EML6: variants seen among roughly 807,000 people sequenced by gnomAD.
EML6 encodes echinoderm microtubule-associated protein-like 6.
Under a neutral mutation model 240.1 loss-of-function variants are expected in EML6, and 154 were observed. The observed-to-expected ratio is 0.64, with a 90% confidence interval of 0.56 to 0.73. The LOEUF (loss-of-function observed/expected upper bound fraction) is 0.73. Ranked by LOEUF, EML6 falls within the 30% of genes least tolerant of loss-of-function variation. The pLI is 0.00. For synonymous variants in EML6, 1,148 were observed against 899.0 expected (o/e 1.28, Z -4.95); for missense variants, 2,964 against 2,474.6 (o/e 1.20, Z -4.20).
chr2:54,800,266 G>A (rs1376080591), intron 2 of EML6, among the ~76,000 whole-genome samples: 2 of 152,104 alleles, frequency 1.3e-5, no homozygotes. Context: ...TGCTCTGGAG[G>A]AGTTGGATTG....
rs543509182 is a variant in EML6 at position 54,943,390 on chromosome 2, C to T, written c.4005-5492C>T. ...TCTCCCACAGCCAGATCCATGTCCT[C>T]AACCAAAAAATACATCCCAGTTTCC... On this transcript the variant is annotated intron_variant, in intron 28 of 41. Transcript: ENST00000356458. Among the ~76,000 whole-genome samples, 11 of 152,248 alleles carry T rather than the reference C, an allele frequency of 7.2e-5. No homozygotes were observed. In the South Asian group the frequency reaches 1.7e-3, roughly 23 times the overall value.
At chr2:54,952,412 A>T (rs985297689) in intron 30 of EML6, among the ~76,000 whole-genome samples, 182 bp from the exon 31 acceptor site, 4 of 152,176 alleles carry the variant, frequency 2.6e-5, no homozygotes, top group African/African-American at 2.4e-5. Context: ...CCAAAACAGA[A>T]TATGAACATT....
chr2:54,815,284 T>C (rs1186754610), intron 3 of EML6, among the ~76,000 whole-genome samples: 2 of 152,214 alleles, frequency 1.3e-5, no homozygotes, highest in Admixed American at 6.5e-5. Context: ...AAATAACCTC[T>C]TGTATGTTAG....
At chr2:54,876,985 ATTTTTT>A (rs34591538) in intron 16 of EML6, among the ~76,000 whole-genome samples, 1 of 145,946 alleles carries the variant, frequency 6.9e-6, no homozygotes, top group African/African-American at 2.5e-5. Context: ...CCAAAAAAAA[ATTTTTT>A]TTTTTTTTTG....
At chr2:54,915,247 G>C (rs1275141509) in intron 25 of EML6, among the ~76,000 whole-genome samples, 1 of 152,226 alleles carries the variant, frequency 6.6e-6, no homozygotes, top group Non-Finnish European at 1.5e-5. Context: ...CTGGCCAACA[G>C]TGTTGTGTTG....
chr2:54,820,365 A>T, intron 4 of EML6, 29 bp from the exon 5 acceptor site: 8 of 1,490,750 alleles, frequency 5.4e-6, no homozygotes, highest in Non-Finnish European at 7.3e-6. Flanking sequence ...CCAAATGATC[A>T]ACATGGCAAC....
intron 13 of EML6, among the ~76,000 whole-genome samples, chr2:54,866,338 G>A (rs1670969020): frequency 6.6e-6 from 1 of 152,192 alleles, no homozygotes; most frequent in South Asian, 2.1e-4. Context: ...GATCTGTTAA[G>A]ATGCATGAAG....
intron 7 of EML6, among the ~76,000 whole-genome samples, chr2:54,840,254 C>T (rs1245522247): frequency 6.6e-6 from 1 of 151,936 alleles, no homozygotes; most frequent in Non-Finnish European, 1.5e-5. Flanking sequence ...ACAGTGAAGC[C>T]ATGGATTCCA....
At chr2:54,780,565 A>C (rs1159698351) in intron 2 of EML6, among the ~76,000 whole-genome samples, 1 of 152,224 alleles carries the variant, frequency 6.6e-6, no homozygotes, top group African/African-American at 2.4e-5. Flanking sequence ...TGTGTCTATA[A>C]TATTGGAGAT....
chr2:54,882,674 G>A (rs1050572061), intron 17 of EML6: 1 of 151,460 alleles, frequency 6.6e-6, no homozygotes, highest in African/African-American at 2.4e-5. Context: ...CTGGCTAACA[G>A]GGTGAAACCC....
chr2:54,768,037 T>C (rs902126694), intron 2 of EML6, among the ~76,000 whole-genome samples: 3 of 152,194 alleles, frequency 2.0e-5, no homozygotes, highest in Non-Finnish European at 4.4e-5. Flanking sequence ...TCTAGGTAAG[T>C]TTCTTTCATT....
chr2:54,856,146 G>A (rs989036699), intron 11 of EML6, among the ~76,000 whole-genome samples: 4 of 152,176 alleles, frequency 2.6e-5, no homozygotes, highest in African/African-American at 7.2e-5. Context: ...TGTTTACGTA[G>A]CCAAACCAAT....
intron 28 of EML6, among the ~76,000 whole-genome samples, chr2:54,938,191 C>G (rs961463280): frequency 1.3e-5 from 2 of 152,140 alleles, no homozygotes; most frequent in African/African-American, 2.4e-5. Context: ...ACTAAAAATA[C>G]AAAAATTAGC....
At chr2:54,864,961 T>C (rs1573027499) in intron 13 of EML6, among the ~76,000 whole-genome samples, 1 of 152,362 alleles carries the variant, frequency 6.6e-6, no homozygotes, top group East Asian at 1.9e-4. Context: ...CACATTGTAT[T>C]ATGCAATATG....
chr2:54,949,043 C>A, intron 29 of EML6, 83 bp downstream of exon 29: 2 of 1,034,418 alleles, frequency 1.9e-6, no homozygotes, highest in Non-Finnish European at 2.9e-6. Flanking sequence ...GTCCCAAAGA[C>A]ACAGTCAAAT....
At chr2:54,860,429 C>T (rs1399875710) in intron 12 of EML6, among the ~76,000 whole-genome samples, 1 of 152,158 alleles carries the variant, frequency 6.6e-6, no homozygotes, top group Non-Finnish European at 1.5e-5. Context: ...GGGTTTATGA[C>T]ACATTTCCGG....
chr2:54,885,461 T>A (rs941661351), intron 17 of EML6, among the ~76,000 whole-genome samples: 25 of 147,958 alleles, frequency 1.7e-4, no homozygotes, highest in African/African-American at 4.7e-4. Context: ...AAAAAAAAAA[T>A]TTTTTTTGGA....
chr2:54,934,676 A>T (rs1272103479), intron 28 of EML6, among the ~76,000 whole-genome samples: 1 of 152,008 alleles, frequency 6.6e-6, no homozygotes, highest in Non-Finnish European at 1.5e-5. Flanking sequence ...CAGTCCCCCA[A>T]GTACCTGGGA....
chr2:54,862,489 C>G (rs778669439), intron 12 of EML6, among the ~76,000 whole-genome samples: 67 of 151,434 alleles, frequency 4.4e-4, no homozygotes, highest in Admixed American at 2.6e-3. Flanking sequence ...ACCATCCAAT[C>G]TGAGAAACAA....
Sources: gnomAD v4.1 joint callset for allele counts (sites outside exome capture counted in the v4.1 genomes callset) on GRCh38, gnomAD v4.1.1 for gene constraint, MANE v1.5 for transcripts, NCBI Gene and HGNC (gene_info 2026-07-23, HGNC 2026-07-21) for gene names.